The following EYS variants were observed in gnomAD, a reference collection of about 807,000 sequenced individuals.
EYS encodes the protein EGF-like photoreceptor maintenance factor, also known as protein eyes shut homolog.
EYS carries 250 observed loss-of-function variants against 282.1 expected under a neutral mutation model. The ratio of observed to expected loss-of-function variants is 0.89; its 90% CI spans 0.80 to 0.98. EYS has a LOEUF of 0.98. Among genes scored for constraint, EYS ranks in the 50% least tolerant of loss-of-function variants. The probability of loss-of-function intolerance (pLI) is 0.00; values close to 1 mark genes in which losing one functional copy is unlikely to be tolerated. For synonymous variants in EYS, 1,355 were observed against 1,282.9 expected (o/e 1.06, Z -1.20); for missense variants, 4,016 against 3,709.0 (o/e 1.08, Z -2.15).
At chr6:64,048,757 T>G (rs1770710593) in intron 33 of EYS, among the ~76,000 whole-genome samples, 1 of 152,140 alleles carries the variant, frequency 6.6e-6, no homozygotes, top group African/African-American at 2.4e-5. Context: ...TTCTGTTTCC[T>G]CTGATTGATA....
chr6:63,974,450 G>C (rs929416501), intron 35 of EYS, among the ~76,000 whole-genome samples: 5 of 152,094 alleles, frequency 3.3e-5, no homozygotes, highest in Middle Eastern at 3.4e-3. Context: ...ATTCTGTTAA[G>C]AAAGGAGAGA....
intron 12 of EYS, among the ~76,000 whole-genome samples, chr6:65,142,277 G>A (rs537726236): frequency 6.6e-6 from 1 of 150,850 alleles, no homozygotes; most frequent in East Asian, 1.9e-4. Flanking sequence ...TATCTAATGG[G>A]AATCCCAGTG....
In EYS at chr6:65,405,243, A is replaced by G; in HGVS notation, c.987T>C (p.Gly329=). 1 of 1,613,392 alleles carries G rather than the reference A, an allele frequency of 6.2e-7. No individual in the cohort carries two copies. Among genetic ancestry groups the G allele is most frequent in the African/African-American group, 1.3e-5 (1 of 74,986 alleles). ...ECPKGSSSQN[G]ETDVSEFSLV... ...ATGAAAACTCACTGACATCAGTTTC[A>G]CCATTTTGGCTGGAAGATCCTTTTG... Residue 329 remains glycine, a synonymous_variant, in exon 6 of 43, where the codon GGT becomes GGC. Coordinates refer to ENST00000503581, the MANE Select transcript of EYS (RefSeq NM_001142800.2).
At chr6:63,954,999 G>A (rs1286061912) in intron 35 of EYS, among the ~76,000 whole-genome samples, 4 of 152,158 alleles carry the variant, frequency 2.6e-5, no homozygotes, top group African/African-American at 9.7e-5. Flanking sequence ...CATCAAGCTT[G>A]GGGATTTGCC....
intron 1 of EYS, among the ~76,000 whole-genome samples, chr6:65,674,269 G>T (rs1768497755): frequency 6.6e-6 from 1 of 151,432 alleles, no homozygotes; most frequent in Non-Finnish European, 1.5e-5. Flanking sequence ...GCAAGGAAAT[G>T]AACAACCACG....
At chr6:65,090,700 T>C (rs967227947) in intron 12 of EYS, among the ~76,000 whole-genome samples, 1 of 152,098 alleles carries the variant, frequency 6.6e-6, no homozygotes, top group Non-Finnish European at 1.5e-5. Context: ...TGAAAGAAAT[T>C]ATAGTACAGG....
chr6:65,569,561 C>T (rs1582467377), intron 2 of EYS, among the ~76,000 whole-genome samples: 1 of 152,096 alleles, frequency 6.6e-6, no homozygotes, highest in East Asian at 1.9e-4. Flanking sequence ...CTCAGTTGTT[C>T]CCAGGGTTAA....
In EYS at chr6:63,806,217, T is replaced by C. The variant is rs1562035083; in HGVS notation, c.7384A>G (p.Ile2462Val). The C allele has an allele frequency of 1.3e-6, 2 of 1,551,340 alleles. No individual in the cohort carries two copies. Among genetic ancestry groups the C allele is most frequent in the East Asian group, 2.4e-5 (1 of 40,916 alleles). ...NNHSALQNNLIFFTGQKGHGL... is the reference protein window; with the variant it reads ...NNHSALQNNLVFFTGQKGHGL... ...TGGCCTTTCTGTCCAGTAAAAAATATCAAGTTATTTTGCAGTGCTGAGTGG... is the reference window on the plus strand; with the variant it reads ...TGGCCTTTCTGTCCAGTAAAAAATACCAAGTTATTTTGCAGTGCTGAGTGG... Residue 2462 changes from isoleucine (I) to valine (V), a missense_variant, in exon 37 of 43, where the codon ATA becomes GTA. By Grantham distance (29) the Ile-to-Val change is conservative (BLOSUM62 3). Transcript: ENST00000503581.
At chr6:63,735,995 T>A (rs1768902786) in intron 41 of EYS, among the ~76,000 whole-genome samples, 1 of 152,172 alleles carries the variant, frequency 6.6e-6, no homozygotes. Flanking sequence ...CCCGTATCAC[T>A]ACAGTTAATA....
intron 22 of EYS, chr6:64,713,462 T>C (rs1771275158): frequency 6.6e-6 from 1 of 152,122 alleles, no homozygotes; most frequent in Non-Finnish European, 1.5e-5. Context: ...AGTAAAAGAA[T>C]ACCATTCTCT....
intron 22 of EYS, among the ~76,000 whole-genome samples, chr6:64,803,626 G>A (rs1199136442): frequency 2.0e-5 from 3 of 152,190 alleles, no homozygotes; most frequent in Non-Finnish European, 4.4e-5. Flanking sequence ...CGCTCAGGCT[G>A]TTCTTGTGGA....
At chr6:63,947,025 T>A (rs960479346) in intron 35 of EYS, among the ~76,000 whole-genome samples, 4 of 152,084 alleles carry the variant, frequency 2.6e-5, no homozygotes, top group African/African-American at 9.7e-5. Flanking sequence ...ATACCAAATA[T>A]GCCTCAAAGG....
At chr6:65,279,014 C>T (rs1317381819) in intron 12 of EYS, among the ~76,000 whole-genome samples, 1 of 152,020 alleles carries the variant, frequency 6.6e-6, no homozygotes, top group Non-Finnish European at 1.5e-5. Flanking sequence ...CATGGCTAAA[C>T]TCCATCTCTA....
At chr6:63,832,674 C>T (rs879778956) in intron 36 of EYS, among the ~76,000 whole-genome samples, 55 of 152,244 alleles carry the variant, frequency 3.6e-4, no homozygotes, top group Admixed American at 9.2e-4. Flanking sequence ...TGAAACTATT[C>T]CAATCAATAG....
intron 30 of EYS, among the ~76,000 whole-genome samples, chr6:64,289,674 T>C (rs1259129434): frequency 6.6e-6 from 1 of 152,070 alleles, no homozygotes; most frequent in Admixed American, 6.6e-5. Flanking sequence ...GGAACTGTTT[T>C]GTCTTTATAT....
intron 39 of EYS, chr6:63,786,056 A>G (rs1198338420): frequency 2.0e-5 from 3 of 151,984 alleles, no homozygotes; most frequent in Admixed American, 6.6e-5. Flanking sequence ...TACAATATAA[A>G]TCAGCTTTGT....
chr6:63,973,424 T>C lies in EYS; in HGVS notation c.7055+10959A>G, dbSNP rs569072380. ...GAGAACTAAACTTTATTATTTGTGATGAAACAAATGCTTGATTTACATTTC... is the reference window on the plus strand; with the variant it reads ...GAGAACTAAACTTTATTATTTGTGACGAAACAAATGCTTGATTTACATTTC... On this transcript the variant is annotated intron_variant, in intron 35 of 42. Coordinates refer to ENST00000503581, the MANE Select transcript of EYS (RefSeq NM_001142800.2). Among the ~76,000 whole-genome samples the C allele has an allele frequency of 2.0e-5, 3 of 152,294 alleles. No homozygotes were observed. In the South Asian group the frequency reaches 6.2e-4, roughly 32 times the overall value.
intron 29 of EYS, among the ~76,000 whole-genome samples, chr6:64,371,760 T>C (rs532101537): frequency 9.8e-5 from 15 of 152,332 alleles, no homozygotes; most frequent in African/African-American, 2.9e-4. Context: ...TTTACCATTA[T>C]GTAAATGCAC....
chr6:64,577,195 T>A (rs1236172990), intron 26 of EYS, among the ~76,000 whole-genome samples: 1 of 152,088 alleles, frequency 6.6e-6, no homozygotes, highest in Non-Finnish European at 1.5e-5. Context: ...AGACAATAAA[T>A]CTCTGCTGTT....
Sources: gnomAD v4.1 joint callset for allele counts (sites outside exome capture counted in the v4.1 genomes callset) on GRCh38, gnomAD v4.1.1 for gene constraint, MANE v1.5 for transcripts, NCBI Gene and HGNC (gene_info 2026-07-23, HGNC 2026-07-21) for gene names.